The following SLC45A4 variants were observed in gnomAD, a reference collection of about 807,000 sequenced individuals.
SLC45A4 encodes solute carrier family 45 member 4, also known as polyamine-transporter SLC45A4.
SLC45A4 carries 32 observed loss-of-function variants against 63.7 expected under a neutral mutation model. The ratio of observed to expected loss-of-function variants is 0.50; its 90% CI spans 0.38 to 0.67. The LOEUF (loss-of-function observed/expected upper bound fraction) is 0.67. SLC45A4 is among the 30% of genes least tolerant of loss of function. SLC45A4 has a pLI of 0.00. For missense variants in SLC45A4, 1,027 were observed against 1,157.7 expected (o/e 0.89, Z 1.64); for synonymous variants, 535 against 510.0 (o/e 1.05, Z -0.66).
chr8:141,252,254 GA>G (rs1555573141), intron 2 of SLC45A4: 5 of 152,260 alleles, frequency 3.3e-5, no homozygotes, highest in Non-Finnish European at 7.3e-5. Context: ...TAGGGCCCAA[GA>G]CACTCCCAGT....
intron 1 of SLC45A4, among the ~76,000 whole-genome samples, chr8:141,288,047 C>T (rs1036332040): frequency 2.0e-5 from 3 of 152,144 alleles, no homozygotes; most frequent in Admixed American, 2.0e-4. Flanking sequence ...GGTGGTGGCT[C>T]ACATCTGTAA....
At position 141,278,520 on chromosome 8, in the gene SLC45A4, C is replaced by T. The variant is rs1342082261; in HGVS notation, c.-400-23891G>A. On this transcript the variant is annotated intron_variant, in intron 1 of 8. Coordinates refer to ENST00000517878, the MANE Select transcript of SLC45A4 (RefSeq NM_001286646.2). This position sits in a 1 kb window ranked among gnomAD's most constrained non-coding sequence, Gnocchi z 4.1. ...CTGTGGTGGAGGCGGGGCGGGCGGC[C>T]GACCCACGAGGACACTGGTGAGACA... is the stretch of plus-strand genomic sequence containing the variant. Among the ~76,000 whole-genome samples, 6 of 151,668 alleles carry T rather than the reference C, an allele frequency of 4.0e-5. No homozygotes were observed. Among genetic ancestry groups the T allele is most frequent in the Non-Finnish European group, 5.9e-5 (4 of 67,860 alleles).
At position 141,218,226 on chromosome 8, in the gene SLC45A4, TCCGGTG is replaced by T. The variant is rs1589763716; in HGVS notation, c.1408_1413del (p.His470_Arg471del). On this transcript the variant is annotated inframe_deletion, in exon 5 of 9. Transcript: ENST00000517878. ...CTGGAGGTGGTGGCCCCGCTCTGGT[TCCGGTG>T]CCGGTGCTGCCGCTGCCGCTTCTGC... The T allele has an allele frequency of 6.9e-6, 11 of 1,601,936 alleles. No individual in the cohort carries two copies. Among genetic ancestry groups the T allele is most frequent in the Non-Finnish European group, 9.3e-6 (11 of 1,179,686 alleles).
In SLC45A4 at chr8:141,218,012, T is replaced by C. The variant is rs1826278807; in HGVS notation, c.1628A>G (p.Lys543Arg). ...MGQVIFEGDP[K>R]APSNSTAWQA... is the part of the protein sequence containing the mutation. ...CCGCTCCGGTGGCCGAGCACTCACC[T>C]TGGGGTCGCCTTCGAAGATGACCTG... Residue 543 changes from lysine to arginine, a missense_variant and splice_region_variant, in exon 5 of 9, where the codon AAG becomes AGG. Lys to Arg is a conservative substitution (Grantham distance 26, BLOSUM62 2). Transcript: ENST00000517878. The C allele has an allele frequency of 6.3e-7, 1 of 1,597,554 alleles. No individual in the cohort carries two copies. The highest frequency in any genetic ancestry group is 8.5e-7 in the Non-Finnish European group (1 of 1,171,770).
At chr8:141,228,607 G>A (rs1218902243) in intron 2 of SLC45A4, 10 of 1,111,776 alleles carry the variant, frequency 9.0e-6, no homozygotes, top group Non-Finnish European at 1.1e-5. Flanking sequence ...CTTTAAAACA[G>A]ATGTTGCAAC....
chr8:141,281,037 T>TA (rs1251843190), intron 1 of SLC45A4, among the ~76,000 whole-genome samples: 2 of 152,180 alleles, frequency 1.3e-5, no homozygotes, highest in African/African-American at 4.8e-5. Context: ...AAACAGACTT[T>TA]AAAAGTCTGA....
intron 2 of SLC45A4, chr8:141,230,157 G>A (rs930478417): frequency 1.1e-4 from 49 of 455,532 alleles, no homozygotes; most frequent in African/African-American, 9.2e-4. Flanking sequence ...GTAGACTCTT[G>A]GAAGTAGGTT....
At chr8:141,269,132 C>A (rs1263021575) in intron 1 of SLC45A4, among the ~76,000 whole-genome samples, 18 of 152,250 alleles carry the variant, frequency 1.2e-4, no homozygotes, top group Admixed American at 1.2e-3. Flanking sequence ...ACGAGCTCCA[C>A]CTCACCCGAC....
At chr8:141,228,423 G>T in intron 2 of SLC45A4, 1 of 1,422,924 alleles carries the variant, frequency 7.0e-7, no homozygotes, top group Non-Finnish European at 9.2e-7. Flanking sequence ...AAAGCCAGCG[G>T]GAACATTCCG....
intron 4 of SLC45A4, 90 bp downstream of exon 4, chr8:141,219,560 A>G: frequency 7.1e-7 from 1 of 1,415,800 alleles, no homozygotes; most frequent in Admixed American, 2.3e-5. Flanking sequence ...CTGATGAGGC[A>G]GCGCTGACAA....
At chr8:141,260,063 C>A (rs893821539) in intron 1 of SLC45A4, among the ~76,000 whole-genome samples, 2 of 152,180 alleles carry the variant, frequency 1.3e-5, no homozygotes, top group Non-Finnish European at 2.9e-5. Flanking sequence ...TCACCTGTTA[C>A]GCAAGTAGTC....
intron 1 of SLC45A4, among the ~76,000 whole-genome samples, chr8:141,268,093 T>C (rs1829352169): frequency 6.6e-6 from 1 of 152,118 alleles, no homozygotes; most frequent in South Asian, 2.1e-4. Flanking sequence ...GAATAAACCG[T>C]GGAACATCCA....
At position 141,215,864 on chromosome 8, in the gene SLC45A4, G is replaced by A. The variant is rs745640582; in HGVS notation, c.1836C>T (p.Pro612=). 6.2e-7 allele frequency: 1 copy of A among 1,614,168 alleles called. No homozygotes were observed. The highest frequency in any genetic ancestry group is 2.2e-5 in the East Asian group (1 of 44,882). Residue 612 remains proline, a synonymous_variant, in exon 7 of 9, where the codon CCC becomes CCT. Coordinates refer to ENST00000517878, the MANE Select transcript of SLC45A4 (RefSeq NM_001286646.2). The surrounding 1 kb of genome is among the most constrained non-coding windows in gnomAD (Gnocchi z 4.3). ...TGGTGACCATGGCGACGTAGACGTT[G>A]GGAAACATGGCCATCACGGCTGTGC... The part of the protein sequence containing the change: ...SVGTAVMAMF[P]NVYVAMVTIS...
At chr8:141,255,184 C>G (rs1158008078) in intron 1 of SLC45A4, among the ~76,000 whole-genome samples, 1 of 152,190 alleles carries the variant, frequency 6.6e-6, no homozygotes, top group East Asian at 1.9e-4. Flanking sequence ...CCTCAAACTC[C>G]TGGAATCAAG....
chr8:141,247,704 G>A (rs776616705), intron 2 of SLC45A4, among the ~76,000 whole-genome samples: 7 of 152,160 alleles, frequency 4.6e-5, no homozygotes, highest in South Asian at 2.1e-4. Context: ...GAGTCACTAC[G>A]CCTGGCCCAA....
intron 2 of SLC45A4, among the ~76,000 whole-genome samples, chr8:141,235,734 C>G (rs377760271): frequency 1.3e-5 from 2 of 152,192 alleles, no homozygotes; most frequent in East Asian, 1.9e-4. Flanking sequence ...TCTCATTAGT[C>G]ACGTTCTCGA....
chr8:141,207,723 G>GCTAGGAGGGGTGCTCAGTCCT lies in SLC45A4; in HGVS notation c.*3828_*3848dup, dbSNP rs1234184257. On this transcript the variant is annotated 3_prime_UTR_variant, in exon 9 of 9. Transcript: ENST00000517878. ...AGCACTGTGGAGGGCAAGGGATGCC[G>GCTAGGAGGGGTGCTCAGTCCT]CTAGGAGGGGTGCTCAGTCCTCCTG... 6.6e-6 allele frequency: 1 copy of GCTAGGAGGGGTGCTCAGTCCT among 152,400 alleles called. No homozygotes were observed. The highest frequency in any genetic ancestry group is 1.9e-4 in the East Asian group (1 of 5,202). The allele number at this position is 152,400 out of a possible 1,614,324, so 9.4% of individuals were successfully genotyped here.
In SLC45A4 at chr8:141,218,900, G is replaced by A. The variant is rs1183681498; in HGVS notation, c.740C>T (p.Ala247Val). 3 of 1,613,754 alleles carry A rather than the reference G, an allele frequency of 1.9e-6. No homozygotes were observed. Among genetic ancestry groups the A allele is most frequent in the African/African-American group, 1.3e-5 (1 of 75,056 alleles). The change falls in exon 5 of 9, where the codon GCC becomes GTC. Residue 247 changes from alanine to valine, a missense_variant. Ala to Val is a moderately conservative substitution (Grantham distance 64, BLOSUM62 0). Transcript: ENST00000517878. ...FAAIIFTVSVALHLFSIDEEQ... is the reference protein window; with the variant it reads ...FAAIIFTVSVVLHLFSIDEEQ... ...CTCGTCGATGCTGAACAGGTGCAGG[G>A]CCACGGACACCGTGAAGATGATGGC...
At chr8:141,225,164 A>G (rs1160321505) in intron 2 of SLC45A4, 1 of 152,224 alleles carries the variant, frequency 6.6e-6, no homozygotes, top group Non-Finnish European at 1.5e-5. Context: ...TCCTCCAGCA[A>G]CGGTCGCCTT....
Sources: allele counts gnomAD v4.1 joint callset (sites outside exome capture counted in the v4.1 genomes callset), GRCh38; gene constraint gnomAD v4.1.1; non-coding constraint Gnocchi (gnomAD v3.1); transcripts MANE v1.5; gene names NCBI Gene and HGNC (gene_info 2026-07-23, HGNC 2026-07-21).